GTF2A2: variants seen among roughly 807,000 people sequenced by gnomAD.
GTF2A2 encodes transcription initiation factor IIA subunit 2.
GTF2A2 carries 9 observed loss-of-function variants against 14.3 expected under a neutral mutation model. The ratio of observed to expected loss-of-function variants is 0.63; its 90% CI spans 0.38 to 1.10. The LOEUF is 1.10. GTF2A2 is among the 50% of genes least tolerant of loss of function. The probability of loss-of-function intolerance (pLI) is 0.01; values close to 1 mark genes in which losing one functional copy is unlikely to be tolerated. For missense variants in GTF2A2, 90 were observed against 124.6 expected, an observed-to-expected ratio of 0.72 and a Z score of 1.32; for synonymous variants, 56 against 46.0, an observed-to-expected ratio of 1.22 and a Z score of -0.88.
At chr15:59,641,776 C>T (rs1159403127) in intron 4 of GTF2A2, among the ~76,000 whole-genome samples, 16 of 152,212 alleles carry the variant, frequency 1.1e-4, no homozygotes, top group African/African-American at 3.6e-4. Context: ...ATATATGGGT[C>T]TCCAGCAACA....
At chr15:59,651,447 G>A (rs1891790080) in intron 2 of GTF2A2, 1 of 152,272 alleles carries the variant, frequency 6.6e-6, no homozygotes, top group South Asian at 2.1e-4. Flanking sequence ...AAAGTGCTGG[G>A]ATTACAGTCA....
At chr15:59,648,828 G>A (rs558848553) in intron 3 of GTF2A2, among the ~76,000 whole-genome samples, 2 of 152,196 alleles carry the variant, frequency 1.3e-5, no homozygotes, top group African/African-American at 4.8e-5. Context: ...CAGCTACTCG[G>A]GGGGCTGAGG....
At chr15:59,643,595 CTTTTTTTTT>C (rs34047348) in intron 3 of GTF2A2, among the ~76,000 whole-genome samples, 1 of 109,828 alleles carries the variant, frequency 9.1e-6, no homozygotes, top group Non-Finnish European at 1.9e-5. Flanking sequence ...GAAATTTTTA[CTTTTTTTTT>C]TTTTTTTTTT....
chr15:59,640,973 C>CAAT (rs1214382136), intron 4 of GTF2A2, among the ~76,000 whole-genome samples: 1 of 152,198 alleles, frequency 6.6e-6, no homozygotes, highest in Non-Finnish European at 1.5e-5. Context: ...AAGTCCCCAA[C>CAAT]AATAACGCTG....
intron 3 of GTF2A2, among the ~76,000 whole-genome samples, chr15:59,647,037 CAT>C (rs1299790288): frequency 4.6e-5 from 7 of 150,946 alleles, no homozygotes; most frequent in African/African-American, 1.2e-4. Flanking sequence ...TAATTACAAA[CAT>C]AATATATACA....
chr15:59,640,879 A>G (rs1237806511), intron 4 of GTF2A2, among the ~76,000 whole-genome samples: 1 of 152,144 alleles, frequency 6.6e-6, no homozygotes, highest in East Asian at 1.9e-4. Context: ...AATGACAAAG[A>G]TGTATCTAAT....
chr15:59,654,888 A>C (rs1176057068), intron 1 of GTF2A2, among the ~76,000 whole-genome samples: 1 of 152,090 alleles, frequency 6.6e-6, no homozygotes, highest in Non-Finnish European at 1.5e-5. Flanking sequence ...GAGTACCCCA[A>C]ATTCAAGCTC....
At chr15:59,650,259 C>T (rs776854538) in intron 3 of GTF2A2, among the ~76,000 whole-genome samples, 2 of 152,146 alleles carry the variant, frequency 1.3e-5, no homozygotes, top group Non-Finnish European at 2.9e-5. Flanking sequence ...AGGGAGGCAA[C>T]ATGAAGTTTC....
intron 1 of GTF2A2, among the ~76,000 whole-genome samples, 171 bp from the exon 2 acceptor site, chr15:59,652,497 C>G (rs547152449): frequency 3.4e-4 from 51 of 152,144 alleles, no homozygotes; most frequent in African/African-American, 1.2e-3. Context: ...AAATGATTTT[C>G]CAGTTTTTTT....
At chr15:59,652,845 A>T (rs1218214050) in intron 1 of GTF2A2, 1 of 152,426 alleles carries the variant, frequency 6.6e-6, no homozygotes, top group Admixed American at 6.5e-5. Context: ...AACATACAAA[A>T]AGATAAGAAC....
chr15:59,653,796 C>G (rs1455820334), intron 1 of GTF2A2, among the ~76,000 whole-genome samples: 4 of 152,170 alleles, frequency 2.6e-5, no homozygotes, highest in African/African-American at 7.2e-5. Context: ...AACCATGTTT[C>G]TGATGCTACT....
chr15:59,655,653 A>T (rs1473182182), intron 1 of GTF2A2, among the ~76,000 whole-genome samples: 2 of 152,154 alleles, frequency 1.3e-5, no homozygotes, highest in East Asian at 3.9e-4. Context: ...TACGGATAAC[A>T]TTTATTCTCA....
intron 4 of GTF2A2, among the ~76,000 whole-genome samples, chr15:59,639,479 T>TG (rs35930280): frequency 6.6e-6 from 1 of 151,542 alleles, no homozygotes; most frequent in African/African-American, 2.4e-5. Flanking sequence ...TTTTTTTTTT[T>TG]TGAGATGGAG....
intron 4 of GTF2A2, among the ~76,000 whole-genome samples, chr15:59,641,448 TCTTG>T (rs1283891973): frequency 6.6e-6 from 1 of 152,184 alleles, no homozygotes; most frequent in Non-Finnish European, 1.5e-5. Context: ...CATATCTTTC[TCTTG>T]CTTTTCAAAA....
At chr15:59,656,724 C>G (rs1891955263) in intron 1 of GTF2A2, 1 of 152,150 alleles carries the variant, frequency 6.6e-6, no homozygotes, top group Non-Finnish European at 1.5e-5. Flanking sequence ...CAGAATCGTG[C>G]ATCGTGTCCC....
intron 3 of GTF2A2, among the ~76,000 whole-genome samples, chr15:59,647,992 G>C (rs1219134806): frequency 6.6e-6 from 1 of 152,132 alleles, no homozygotes; most frequent in East Asian, 1.9e-4. Flanking sequence ...TCTTATTTTT[G>C]GGGGGTGTGG....
intron 3 of GTF2A2, among the ~76,000 whole-genome samples, chr15:59,647,453 T>G (rs1891642426): frequency 6.6e-6 from 1 of 152,206 alleles, no homozygotes. Flanking sequence ...AAAAAGTTTC[T>G]TCTATAAGAT....
chr15:59,652,485 A>G (rs1361324475), intron 1 of GTF2A2, among the ~76,000 whole-genome samples, 159 bp from the exon 2 acceptor site: 1 of 152,226 alleles, frequency 6.6e-6, no homozygotes, highest in Non-Finnish European at 1.5e-5. Flanking sequence ...AGGAATTGCT[A>G]CAAATGATTT....
At chr15:59,644,350 A>G (rs1466805851) in intron 3 of GTF2A2, 5 of 152,266 alleles carry the variant, frequency 3.3e-5, no homozygotes, top group Non-Finnish European at 7.3e-5. Context: ...ACCACCAAGC[A>G]TGAAAATGCT....
Sources: allele counts gnomAD v4.1 joint callset (sites outside exome capture counted in the v4.1 genomes callset), GRCh38; gene constraint gnomAD v4.1.1; transcripts MANE v1.5; gene names NCBI Gene and HGNC (gene_info 2026-07-23, HGNC 2026-07-21).